The following CHDH variants were observed in gnomAD, a reference collection of about 807,000 sequenced individuals.
CHDH encodes choline dehydrogenase.
Under a neutral mutation model 56.9 loss-of-function variants are expected in CHDH, and 43 were observed. The ratio of observed to expected loss-of-function variants is 0.76; its 90% CI spans 0.59 to 0.97. The LOEUF (loss-of-function observed/expected upper bound fraction) is 0.97, where lower values mean the gene tolerates loss of function less well. Among genes scored for constraint, CHDH ranks in the 50% least tolerant of loss-of-function variants. The probability of loss-of-function intolerance (pLI) is 0.00; values close to 1 mark genes in which losing one functional copy is unlikely to be tolerated. For synonymous variants in CHDH, 364 were observed against 348.5 expected (o/e 1.04, Z -0.50); for missense variants, 816 against 821.1 (o/e 0.99, Z 0.08).
At chr3:53,845,166 T>C (rs1375514282) in intron 1 of CHDH, among the ~76,000 whole-genome samples, 2 of 152,190 alleles carry the variant, frequency 1.3e-5, no homozygotes, top group South Asian at 2.1e-4. Flanking sequence ...CAACCTCAAC[T>C]GAGTTCCTTG....
At chr3:53,839,966 A>T (rs1287857631) in intron 2 of CHDH, among the ~76,000 whole-genome samples, 2 of 152,244 alleles carry the variant, frequency 1.3e-5, no homozygotes, top group African/African-American at 4.8e-5. Context: ...CCAAGCACAG[A>T]AAGTCAAAAA....
intron 2 of CHDH, among the ~76,000 whole-genome samples, chr3:53,836,283 G>T (rs184781095): frequency 6.6e-6 from 1 of 152,120 alleles, no homozygotes; most frequent in African/African-American, 2.4e-5. Context: ...TAAGACAGTG[G>T]GACAAGCTTC....
At chr3:53,842,498 G>A (rs1698703982) in intron 1 of CHDH, among the ~76,000 whole-genome samples, 2 of 152,094 alleles carry the variant, frequency 1.3e-5, no homozygotes, top group South Asian at 2.1e-4. Context: ...CTCTGCATCC[G>A]AGGCTTTCTT....
intron 3 of CHDH, 91 bp from the exon 4 acceptor site, chr3:53,822,733 T>C (rs1006856861): frequency 4.1e-6 from 6 of 1,451,070 alleles, no homozygotes; most frequent in Non-Finnish European, 5.6e-6. Flanking sequence ...AGAGTGGATA[T>C]GCCCAGCTCT....
In CHDH at chr3:53,823,382, G is replaced by A. The variant is rs1198143434; in HGVS notation, c.627C>T (p.Ala209=). 3 of 1,605,768 alleles carry A rather than the reference G, an allele frequency of 1.9e-6. No individual in the cohort carries two copies. Among genetic ancestry groups the A allele is most frequent in the African/African-American group, 1.3e-5 (1 of 74,700 alleles). The part of the protein sequence containing the change: ...HCAFLEATQQ[A]GYPLTEDMNG... Reference sequence around the variant, plus strand: ...TCATGTCCTCGGTGAGCGGGTAGCCGGCCTGCTGCGTGGCCTCCAGGAATG... The same window carrying A: ...TCATGTCCTCGGTGAGCGGGTAGCCAGCCTGCTGCGTGGCCTCCAGGAATG... The change falls in exon 3 of 9, where the codon GCC becomes GCT. Residue 209 remains alanine, a synonymous_variant. Coordinates refer to ENST00000315251, the MANE Select transcript of CHDH (RefSeq NM_018397.5).
At position 53,816,710 on chromosome 3, in the gene CHDH, C is replaced by A. The variant is rs993134117; in HGVS notation, c.*1067G>T. 2.0e-5 allele frequency: 3 copies of A among 152,070 alleles called. No individual in the cohort carries two copies. Among genetic ancestry groups the A allele is most frequent in the Non-Finnish European group, 1.5e-5 (1 of 68,026 alleles). 9.4% of individuals were successfully genotyped at this position (152,070 alleles called of 1,614,324 possible). A position where few individuals can be genotyped will look rare whatever the true frequency, so the allele number is the denominator to read the frequency against. On this transcript the variant is annotated 3_prime_UTR_variant, in exon 9 of 9. Coordinates refer to ENST00000315251, the MANE Select transcript of CHDH (RefSeq NM_018397.5). ...AGTGATCTGGTACGTGGGGTTTGCT[C>A]TTGGTTTCTGCATTTCTTGGTAAAA...
intron 2 of CHDH, among the ~76,000 whole-genome samples, chr3:53,840,287 G>A (rs1424609961): frequency 3.3e-5 from 5 of 152,234 alleles, no homozygotes; most frequent in Non-Finnish European, 7.3e-5. Context: ...TTGGGAGGCA[G>A]AGGTGGAGGT....
At chr3:53,820,339 C>T in intron 6 of CHDH, 135 bp downstream of exon 6, 1 of 1,073,312 alleles carries the variant, frequency 9.3e-7, no homozygotes, top group Non-Finnish European at 1.3e-6. Context: ...GATGGAAAAA[C>T]TGAGGCTCAG....
chr3:53,824,810 T>A (rs943988917), intron 2 of CHDH, among the ~76,000 whole-genome samples: 4 of 152,172 alleles, frequency 2.6e-5, no homozygotes, highest in Non-Finnish European at 5.9e-5. Flanking sequence ...GGATATGTCA[T>A]GAAAACCTCC....
At position 53,815,802 on chromosome 3, in the gene CHDH, C is replaced by T. The variant is rs1314975010; in HGVS notation, c.*1975G>A. The T allele has an allele frequency of 2.0e-5, 3 of 152,262 alleles. No individual in the cohort carries two copies. The allele number at this position is 152,262 out of a possible 1,614,324, so 9.4% of individuals were successfully genotyped here. On this transcript the variant is annotated 3_prime_UTR_variant, in exon 9 of 9. Coordinates refer to ENST00000315251, the MANE Select transcript of CHDH (RefSeq NM_018397.5). ...CCCTGCCCCTGAATCCACACACGCT[C>T]CAGCAGGAAAGCTGCACGAGGCCCT...
intron 5 of CHDH, 149 bp downstream of exon 5, chr3:53,821,498 G>C (rs1412709738): frequency 2.9e-6 from 2 of 690,678 alleles, no homozygotes; most frequent in Non-Finnish European, 4.9e-6. Context: ...AGTGAGGCCT[G>C]GGAAACCTTC....
At chr3:53,836,991 T>C (rs1037365663) in intron 2 of CHDH, among the ~76,000 whole-genome samples, 2 of 152,206 alleles carry the variant, frequency 1.3e-5, no homozygotes, top group African/African-American at 4.8e-5. Context: ...AAGACCAGCC[T>C]GGGCAACATA....
chr3:53,826,644 ACAT>A (rs147634164), intron 2 of CHDH, among the ~76,000 whole-genome samples: 25,328 of 152,124 alleles, frequency 0.17, 3,071 homozygotes, highest in African/African-American at 0.32. Context: ...CCTACAACTA[ACAT>A]CATACCTGAC....
At chr3:53,831,531 C>T (rs1698334196) in intron 2 of CHDH, among the ~76,000 whole-genome samples, 1 of 152,244 alleles carries the variant, frequency 6.6e-6, no homozygotes, top group Non-Finnish European at 1.5e-5. Flanking sequence ...GCTTGTGTCA[C>T]CCTACCTGTA....
intron 2 of CHDH, among the ~76,000 whole-genome samples, chr3:53,831,419 C>T (rs865839551): frequency 1.3e-5 from 2 of 152,220 alleles, no homozygotes; most frequent in Non-Finnish European, 2.9e-5. Flanking sequence ...TGAATACAGG[C>T]GGTAGCCACA....
rs2095611607 is a variant in CHDH at position 53,814,144 on chromosome 3, A to G, written c.*3633T>C. 1 of 152,208 alleles carries G rather than the reference A, an allele frequency of 6.6e-6. No homozygotes were observed. Among genetic ancestry groups the G allele is most frequent in the Non-Finnish European group, 1.5e-5 (1 of 68,036 alleles). The allele number at this position is 152,208 out of a possible 1,614,324, so 9.4% of individuals were successfully genotyped here. A position where few individuals can be genotyped will look rare whatever the true frequency, so the allele number is the denominator to read the frequency against. On this transcript the variant is annotated 3_prime_UTR_variant, in exon 9 of 9. Transcript: ENST00000315251. ...TGTGTGAGATGGGACCAGGGGCACC[A>G]CTTGCTTTCCTGCTGACCCTGCTAT... is the stretch of plus-strand genomic sequence containing the variant.
intron 2 of CHDH, among the ~76,000 whole-genome samples, chr3:53,835,552 C>T (rs909275829): frequency 6.6e-5 from 10 of 152,230 alleles, no homozygotes; most frequent in Non-Finnish European, 1.2e-4. Flanking sequence ...GGATTCAGGG[C>T]AGGTCACCTG....
intron 2 of CHDH, among the ~76,000 whole-genome samples, chr3:53,836,656 C>T (rs1412959802): frequency 6.6e-6 from 1 of 152,224 alleles, no homozygotes. Flanking sequence ...ATGTGCTGAG[C>T]TTGGCCTGAG....
rs2095633128 is a variant in CHDH at position 53,823,705 on chromosome 3, T to TGTC, written c.301_303dup (p.Asp101dup). The TGTC allele has an allele frequency of 3.9e-6, 6 of 1,550,290 alleles. No homozygotes were observed. The highest frequency in any genetic ancestry group is 4.4e-6 in the Non-Finnish European group (5 of 1,147,904). The stretch of plus-strand genomic sequence containing the variant: ...TCTGTGTGGTAGCACCAGTTGTACC[T>TGTC]GTCGTCGCACAGGTTGGCCACCAGG... On this transcript the variant is annotated inframe_insertion, in exon 3 of 9. Transcript: ENST00000315251.
Sources: allele counts gnomAD v4.1 joint callset (sites outside exome capture counted in the v4.1 genomes callset), GRCh38; gene constraint gnomAD v4.1.1; transcripts MANE v1.5; gene names NCBI Gene and HGNC (gene_info 2026-07-23, HGNC 2026-07-21).